BSN: variants seen among roughly 807,000 people sequenced by gnomAD.
The protein encoded by BSN is protein bassoon.
Under a neutral mutation model 264.8 loss-of-function variants are expected in BSN, and 57 were observed. The observed-to-expected ratio is 0.22, with a 90% CI of 0.17 to 0.27. BSN has a LOEUF of 0.27. Among genes scored for constraint, BSN ranks in the 10% least tolerant of loss-of-function variants. BSN has a pLI of 1.00. For missense variants in BSN, 4,615 were observed against 5,232.5 expected, an observed-to-expected ratio of 0.88 and a Z score of 3.64; for synonymous variants, 2,059 against 2,137.3, an observed-to-expected ratio of 0.96 and a Z score of 1.01.
intron 1 of BSN, among the ~76,000 whole-genome samples, chr3:49,616,673 G>A (rs193162739): frequency 6.6e-5 from 10 of 152,296 alleles, no homozygotes; most frequent in Middle Eastern, 3.4e-3. Context: ...CTGCTTTTCC[G>A]TCTGGTCTGA....
chr3:49,620,998 G>C (rs763524240), intron 1 of BSN, among the ~76,000 whole-genome samples: 1 of 152,172 alleles, frequency 6.6e-6, no homozygotes, highest in Non-Finnish European at 1.5e-5. Context: ...GGTGGGGTGA[G>C]GAGGAGGGAG....
At chr3:49,643,278 A>G (rs2052481087) in intron 3 of BSN, 126 bp downstream of exon 3, 1 of 1,426,670 alleles carries the variant, frequency 7.0e-7, no homozygotes. Context: ...TGTACAACTA[A>G]TGCTGCAGAG....
chr3:49,615,104 C>T (rs2052249517), intron 1 of BSN, among the ~76,000 whole-genome samples: 1 of 152,240 alleles, frequency 6.6e-6, no homozygotes. Context: ...CTCTCAGCAA[C>T]ATCAGAGCAG....
chr3:49,576,174 T>C (rs2051844479), intron 1 of BSN, among the ~76,000 whole-genome samples: 1 of 151,944 alleles, frequency 6.6e-6, no homozygotes. Flanking sequence ...TAAACCACTA[T>C]ATCTTCTGTT....
At chr3:49,648,152 G>T (rs577352284) in intron 3 of BSN, among the ~76,000 whole-genome samples, 1 of 152,368 alleles carries the variant, frequency 6.6e-6, no homozygotes, top group South Asian at 2.1e-4. Context: ...TTTGGTCAGA[G>T]CACTTAACAT....
intron 3 of BSN, among the ~76,000 whole-genome samples, chr3:49,649,071 C>G (rs1326582235): frequency 2.0e-5 from 3 of 152,220 alleles, no homozygotes; most frequent in Non-Finnish European, 4.4e-5. Flanking sequence ...GAGTGTAGCT[C>G]TCTGTGGACA....
At chr3:49,590,739 ATAAT>A (rs1441518229) in intron 1 of BSN, among the ~76,000 whole-genome samples, 3 of 152,024 alleles carry the variant, frequency 2.0e-5, no homozygotes, top group Non-Finnish European at 2.9e-5. Context: ...ATTATTACAC[ATAAT>A]TATATAGTTA....
chr3:49,664,724 A>C, intron 9 of BSN, 75 bp from the exon 10 acceptor site: 1 of 1,589,782 alleles, frequency 6.3e-7, no homozygotes, highest in South Asian at 1.1e-5. Context: ...GCTTGCCTTC[A>C]CTATGCCAAG....
Position 49,557,686 on chromosome 3 carries a change from T to A in BSN, c.224+2860T>A, listed in dbSNP as rs979631275. Among the ~76,000 whole-genome samples the A allele has an allele frequency of 4.6e-5, 7 of 151,276 alleles. No homozygotes were observed. In the East Asian group the frequency reaches 1.4e-3, roughly 30 times the overall value. On this transcript the variant is annotated intron_variant, in intron 1 of 11. Transcript: ENST00000296452. ...TCCACCTTCTGGGTTCACGCCATTC[T>A]CCTGCCTCAGCCTCCCGAGTAGCTG...
At chr3:49,672,175 A>G (rs1260276657), downstream of BSN, among the ~76,000 whole-genome samples, 11 of 151,870 alleles carry the variant, frequency 7.2e-5, no homozygotes, top group East Asian at 1.9e-3. Context: ...AGAAGGTGCA[A>G]TATATCCTGT....
Position 49,642,362 on chromosome 3 carries a change from A to G in BSN, c.728A>G (p.His243Arg). 1 of 1,597,770 alleles carries G rather than the reference A, an allele frequency of 6.3e-7. No individual in the cohort carries two copies. The highest frequency in any genetic ancestry group is 8.5e-7 in the Non-Finnish European group (1 of 1,172,208). The change falls in exon 3 of 12, where the codon CAC becomes CGC. Residue 243 changes from histidine to arginine, a missense_variant. His to Arg is a conservative substitution (Grantham distance 29). This residue lies in a region of BSN where 1,197 missense variants were observed against 1,348.0 expected (regional missense o/e 0.89). Coordinates refer to ENST00000296452, the MANE Select transcript of BSN (RefSeq NM_003458.4). The surrounding 1 kb of genome is among the most constrained non-coding windows in gnomAD (Gnocchi z 7.0). ...APRSKSQQQL[H>R]SPALSPAHSP... ...CGCTCCAAGAGCCAGCAGCAGCTGC[A>G]CTCCCCAGCCCTGTCTCCTGCCCAC...
At chr3:49,555,768 G>T (rs1475004975) in intron 1 of BSN, among the ~76,000 whole-genome samples, 1 of 152,214 alleles carries the variant, frequency 6.6e-6, no homozygotes. Context: ...AATAGGCTTG[G>T]GGAGTAGCAA....
rs971314521 is a variant in BSN, at chr3:49,638,399, A to C, written c.634-3869A>C. 5.3e-5 allele frequency among the ~76,000 whole-genome samples: 8 copies of C among 152,172 alleles called. No homozygotes were observed. Among genetic ancestry groups the C allele is most frequent in the Non-Finnish European group, 1.2e-4 (8 of 68,022 alleles). On this transcript the variant is annotated intron_variant, in intron 2 of 11. Coordinates refer to ENST00000296452, the MANE Select transcript of BSN (RefSeq NM_003458.4). This position sits in a 1 kb window ranked among gnomAD's most constrained non-coding sequence, Gnocchi z 4.3. ...CTGAGTGTGGGGATAGGGGCCTTGCAGTATGGAGGAAGAGACTGAGGTTGG... is the reference window on the plus strand; with the variant it reads ...CTGAGTGTGGGGATAGGGGCCTTGCCGTATGGAGGAAGAGACTGAGGTTGG...
chr3:49,653,383 G>C lies in BSN; in HGVS notation c.3827G>C (p.Arg1276Pro). The C allele has an allele frequency of 6.2e-7, 1 of 1,613,738 alleles. No individual in the cohort carries two copies. Among genetic ancestry groups the C allele is most frequent in the Non-Finnish European group, 8.5e-7 (1 of 1,179,970 alleles). Residue 1276 changes from arginine to proline, a missense_variant, in exon 5 of 12, where the codon CGA (arginine) becomes CCA (proline). Coordinates refer to ENST00000296452, the MANE Select transcript of BSN (RefSeq NM_003458.4). This position sits in a 1 kb window ranked among gnomAD's most constrained non-coding sequence, Gnocchi z 6.3. ...GTCCGCATGCGGCAGGCCTCCTCACGAGACCTGGCTTTTGCTGAGGACAAA... is the reference window on the plus strand; with the variant it reads ...GTCCGCATGCGGCAGGCCTCCTCACCAGACCTGGCTTTTGCTGAGGACAAA... ...SIVRMRQASS[R>P]DLAFAEDKKK...
chr3:49,637,875 G>A (rs974744523), intron 2 of BSN, among the ~76,000 whole-genome samples: 2 of 152,258 alleles, frequency 1.3e-5, no homozygotes, highest in South Asian at 4.1e-4. Context: ...CGGGGTGCAC[G>A]GGCTTCCATG....
At position 49,642,147 on chromosome 3, in the gene BSN, A is replaced by G. The variant is rs2052468643; in HGVS notation, c.634-121A>G. 7 of 755,936 alleles carry G rather than the reference A, an allele frequency of 9.3e-6. No homozygotes were observed. The highest frequency in any genetic ancestry group is 1.4e-5 in the Non-Finnish European group (7 of 514,368). The allele number at this position is 755,936 out of a possible 1,614,324, so 46.8% of individuals were successfully genotyped here. On this transcript the variant is annotated intron_variant, in intron 2 of 11. Coordinates refer to ENST00000296452, the MANE Select transcript of BSN (RefSeq NM_003458.4). This position sits in a 1 kb window ranked among gnomAD's most constrained non-coding sequence, Gnocchi z 7.0. ...CCTGGCAGCCCAGAAATGCCTGAGC[A>G]GGGCTTGGTGCTCCTGCCTGTGCTA...
In BSN at chr3:49,655,594, C is replaced by T. The variant is rs1243335151; in HGVS notation, c.6038C>T (p.Ala2013Val). ...QLFQGPGRDS[A>V]MDLSSLKHSY... ...TTCCAGGGTCCTGGACGAGACTCGG[C>T]TATGGACCTCAGCTCACTGAAGCAC... Residue 2013 changes from alanine (A) to valine (V), a missense_variant, in exon 5 of 12, where the codon GCT (alanine) becomes GTT (valine). Ala to Val is a moderately conservative substitution (Grantham distance 64). Coordinates refer to ENST00000296452, the MANE Select transcript of BSN (RefSeq NM_003458.4). The T allele has an allele frequency of 2.5e-6, 4 of 1,613,562 alleles. No homozygotes were observed. The highest frequency in any genetic ancestry group is 3.4e-6 in the Non-Finnish European group (4 of 1,180,014).
At chr3:49,630,470 C>T (rs1455584106) in intron 2 of BSN, among the ~76,000 whole-genome samples, 1 of 152,216 alleles carries the variant, frequency 6.6e-6, no homozygotes, top group Non-Finnish European at 1.5e-5. Context: ...CACTCTGGAG[C>T]AGCCAGCCCT....
intron 8 of BSN, among the ~76,000 whole-genome samples, chr3:49,664,222 C>T (rs1433855538): frequency 1.3e-5 from 2 of 151,980 alleles, no homozygotes; most frequent in Non-Finnish European, 2.9e-5. Flanking sequence ...TCTTCTTTCC[C>T]TTCCTCAACC....
Sources: gnomAD v4.1 joint callset for allele counts (sites outside exome capture counted in the v4.1 genomes callset) on GRCh38, gnomAD v4.1.1 for gene constraint, gnomAD v4.1.1 regional missense constraint, Gnocchi (gnomAD v3.1) non-coding constraint, MANE v1.5 for transcripts, NCBI Gene and HGNC (gene_info 2026-07-23, HGNC 2026-07-21) for gene names.